IQCM: variants seen among roughly 807,000 people sequenced by gnomAD.
IQCM encodes IQ domain-containing protein M.
Under a neutral mutation model 57.6 loss-of-function variants are expected in IQCM, and 45 were observed. The ratio of observed to expected loss-of-function variants is 0.78; its 90% CI spans 0.62 to 1.00. IQCM has a LOEUF of 1.00. IQCM is among the 50% of genes least tolerant of loss of function. The pLI, the probability that IQCM is intolerant of heterozygous loss-of-function variation, is 0.00. For missense variants in IQCM, 468 were observed against 511.6 expected (o/e 0.91, Z 0.82); for synonymous variants, 148 against 158.9 (o/e 0.93, Z 0.51).
At chr4:149,660,880 C>T (rs1447882800) in intron 7 of IQCM, among the ~76,000 whole-genome samples, 6 of 151,496 alleles carry the variant, frequency 4.0e-5, no homozygotes, top group Admixed American at 1.3e-4. Flanking sequence ...ATACCTAATG[C>T]TAAATGACGA....
rs78203056 is a variant in IQCM at position 149,814,546 on chromosome 4, G to A, written c.-49+765C>T. On this transcript the variant is annotated intron_variant, in intron 2 of 13. Coordinates refer to ENST00000636793, the MANE Select transcript of IQCM (RefSeq NM_001363507.2). Reference sequence around the variant, plus strand: ...TTAATCATTCCAAAAAAAATAGACTGTAAATATTATTAGTATGTTTTTAGA... The same window carrying A: ...TTAATCATTCCAAAAAAAATAGACTATAAATATTATTAGTATGTTTTTAGA... Among the ~76,000 whole-genome samples the A allele has an allele frequency of 4.9e-3, 742 of 151,980 alleles. 7 individuals carry two copies. The highest frequency in any genetic ancestry group is 0.017 in the African/African-American group (711 of 41,520).
At chr4:149,649,136 G>T (rs2150130081) in intron 7 of IQCM, among the ~76,000 whole-genome samples, 1 of 151,996 alleles carries the variant, frequency 6.6e-6, no homozygotes, top group Admixed American at 6.5e-5. Flanking sequence ...TTTTGTCATT[G>T]TTCTCTTTTT....
At chr4:149,561,554 A>G (rs1750123627) in intron 10 of IQCM, among the ~76,000 whole-genome samples, 1 of 152,112 alleles carries the variant, frequency 6.6e-6, no homozygotes, top group African/African-American at 2.4e-5. Flanking sequence ...CCTACTACAT[A>G]CTAAACACCA....
intron 8 of IQCM, among the ~76,000 whole-genome samples, chr4:149,598,660 A>T (rs544604558): frequency 6.6e-6 from 1 of 152,224 alleles, no homozygotes; most frequent in South Asian, 2.1e-4. Context: ...TTTATTTGTC[A>T]TTAGGAAAAT....
At chr4:149,551,523 AGAG>A (rs1253098908) in intron 11 of IQCM, among the ~76,000 whole-genome samples, 1 of 152,208 alleles carries the variant, frequency 6.6e-6, no homozygotes, top group Non-Finnish European at 1.5e-5. Context: ...TGGGGTATGA[AGAG>A]AAGACTAATT....
intron 8 of IQCM, among the ~76,000 whole-genome samples, chr4:149,611,861 AAAT>A (rs138829400): frequency 0.022 from 3,398 of 152,228 alleles, 101 homozygotes; most frequent in South Asian, 0.15. Context: ...TAACATAAAG[AAAT>A]AATAAATACT....
chr4:149,357,590 G>A (rs1425117561), intron 13 of IQCM, among the ~76,000 whole-genome samples: 3 of 152,166 alleles, frequency 2.0e-5, no homozygotes, highest in Admixed American at 6.5e-5. Context: ...TCTCAGGGAT[G>A]AAGCCCACTT....
Position 149,369,311 on chromosome 4 carries a change from T to G in IQCM, c.1391-17245A>C, listed in dbSNP as rs1730201093. Among the ~76,000 whole-genome samples, 3 of 152,000 alleles carry G rather than the reference T, an allele frequency of 2.0e-5. No homozygotes were observed. In the South Asian group the frequency reaches 6.2e-4, roughly 32 times the overall value. On this transcript the variant is annotated intron_variant, in intron 13 of 13. Coordinates refer to ENST00000636793, the MANE Select transcript of IQCM (RefSeq NM_001363507.2). ...CTCCTGTCTTGGCCTCCCAAATTGCTGGGATTATAGGCATGAGCCACCACA... is the reference window on the plus strand; with the variant it reads ...CTCCTGTCTTGGCCTCCCAAATTGCGGGGATTATAGGCATGAGCCACCACA...
intron 9 of IQCM, among the ~76,000 whole-genome samples, chr4:149,570,406 C>T (rs17026317): frequency 0.017 from 2,564 of 151,978 alleles, 66 homozygotes; most frequent in African/African-American, 0.058. Context: ...AAAACCAGCT[C>T]GCTCTTTTCT....
chr4:149,515,255 TG>T (rs1190097028), intron 12 of IQCM, among the ~76,000 whole-genome samples: 1 of 152,084 alleles, frequency 6.6e-6, no homozygotes, highest in African/African-American at 2.4e-5. Flanking sequence ...CGTTTGACTA[TG>T]GGTCATCAAG....
At chr4:149,486,296 C>G (rs559517875) in intron 12 of IQCM, among the ~76,000 whole-genome samples, 1 of 152,066 alleles carries the variant, frequency 6.6e-6, no homozygotes, top group Admixed American at 6.6e-5. Context: ...AATCAAAAAC[C>G]TTAGCATTTT....
intron 13 of IQCM, among the ~76,000 whole-genome samples, chr4:149,418,718 T>C (rs1733923990): frequency 6.6e-6 from 1 of 152,116 alleles, no homozygotes; most frequent in Admixed American, 6.6e-5. Context: ...TGTTTGCAGA[T>C]GCCGTGATCC....
intron 12 of IQCM, among the ~76,000 whole-genome samples, chr4:149,487,434 T>C (rs1257051100): frequency 1.3e-5 from 2 of 152,176 alleles, no homozygotes; most frequent in Admixed American, 6.5e-5. Flanking sequence ...GCTGTGCCAG[T>C]TGGTGTCTCC....
chr4:149,484,401 C>A (rs989743775), intron 12 of IQCM, among the ~76,000 whole-genome samples: 1 of 151,828 alleles, frequency 6.6e-6, no homozygotes, highest in Non-Finnish European at 1.5e-5. Flanking sequence ...ACCTGTCCTC[C>A]TTTCAATGAA....
chr4:149,488,695 C>T (rs1741781951), intron 12 of IQCM, among the ~76,000 whole-genome samples: 1 of 151,952 alleles, frequency 6.6e-6, no homozygotes, highest in South Asian at 2.1e-4. Context: ...GGGTCATAAC[C>T]GCCTCTTTTC....
At chr4:149,396,154 C>CA (rs898310161) in intron 13 of IQCM, among the ~76,000 whole-genome samples, 2 of 151,594 alleles carry the variant, frequency 1.3e-5, no homozygotes, top group South Asian at 2.1e-4. Context: ...AAAAATACTA[C>CA]AAAAAATACC....
At position 149,735,399 on chromosome 4, in the gene IQCM, G is replaced by A. The variant is rs1028385546; in HGVS notation, c.97C>T (p.Gln33Ter). 4 of 1,227,104 alleles carry A rather than the reference G, an allele frequency of 3.3e-6. No individual in the cohort carries two copies. In the South Asian group the frequency reaches 1.6e-4, roughly 51 times the overall value. The allele number at this position is 1,227,104 out of a possible 1,614,324, so 76.0% of individuals were successfully genotyped here. A position where few individuals can be genotyped will look rare whatever the true frequency, so the allele number is the denominator to read the frequency against. Residue 33 changes from glutamine to a stop codon, truncating the protein, a stop_gained, in exon 4 of 14, where the codon CAA becomes TAA. Transcript: ENST00000636793. LOFTEE classifies it high-confidence loss of function. ...FFQEAKTLIA[Q>*]HYEKINENKV... is the part of the protein sequence containing the mutation. The stretch of plus-strand genomic sequence containing the variant: ...ACCTCATTTATTTTCTCATAATGTT[G>A]GGCAATGAGAGTTTTTGCTTCTTGA...
rs556655892 is a variant in IQCM, at chr4:149,358,451, G to T, written c.1391-6385C>A. On this transcript the variant is annotated intron_variant, in intron 13 of 13. Transcript: ENST00000636793. The stretch of plus-strand genomic sequence containing the variant: ...ATAGATTCTGGTATGTTGTGTCTTT[G>T]TTCTTGTTGGTTTCAAAGAACATCT... 2.6e-4 allele frequency among the ~76,000 whole-genome samples: 39 copies of T among 152,156 alleles called. No homozygotes were observed. In the Middle Eastern group the frequency reaches 0.014, roughly 53 times the overall value.
intron 12 of IQCM, among the ~76,000 whole-genome samples, chr4:149,500,308 G>A (rs2149790903): frequency 6.6e-6 from 1 of 152,256 alleles, no homozygotes; most frequent in African/African-American, 2.4e-5. Context: ...AGTGTCAAAT[G>A]ACTCACAGGC....
Sources: gnomAD v4.1 joint callset for allele counts (sites outside exome capture counted in the v4.1 genomes callset) on GRCh38, gnomAD v4.1.1 for gene constraint, MANE v1.5 for transcripts, NCBI Gene and HGNC (gene_info 2026-07-23, HGNC 2026-07-21) for gene names.